GPR39: variants seen among roughly 807,000 people sequenced by gnomAD.
The protein encoded by GPR39 is zinc sensing receptor.
In GPR39, 23 loss-of-function variants were observed where a neutral mutation model predicts 18.4. The ratio of observed to expected loss-of-function variants is 1.25; its 90% CI spans 0.90 to 1.77. GPR39 has a LOEUF of 1.77. Among genes scored for constraint, GPR39 ranks in the 40% most tolerant of loss-of-function variants. The pLI, the probability that GPR39 is intolerant of heterozygous loss-of-function variation, is 0.00. For missense variants in GPR39, 647 were observed against 602.4 expected (o/e 1.07, Z -0.78); for synonymous variants, 280 against 257.9 (o/e 1.09, Z -0.82).
intron 1 of GPR39, among the ~76,000 whole-genome samples, chr2:132,432,404 A>C (rs1016999025): frequency 6.6e-6 from 1 of 152,192 alleles, no homozygotes; most frequent in African/African-American, 2.4e-5. Flanking sequence ...CACATTGGTG[A>C]CTAGGTTTCC....
chr2:132,492,541 CAT>C (rs1205091304), intron 1 of GPR39, among the ~76,000 whole-genome samples: 13 of 131,488 alleles, frequency 9.9e-5, no homozygotes, highest in African/African-American at 3.1e-4. Context: ...ATATATACAC[CAT>C]ATATATACAC....
intron 1 of GPR39, among the ~76,000 whole-genome samples, chr2:132,500,914 C>G (rs1019703022): frequency 6.6e-6 from 1 of 152,006 alleles, no homozygotes; most frequent in Non-Finnish European, 1.5e-5. Flanking sequence ...TCTGTGGTAT[C>G]AGTTGTAATA....
intron 1 of GPR39, among the ~76,000 whole-genome samples, chr2:132,503,011 C>T (rs1679074669): frequency 6.6e-6 from 1 of 152,170 alleles, no homozygotes; most frequent in South Asian, 2.1e-4. Flanking sequence ...TGTACTTCAT[C>T]CTTCTCTGGT....
rs142574606 is a variant in GPR39 at position 132,614,395 on chromosome 2, C to T, written c.857-30706C>T. Among the ~76,000 whole-genome samples the T allele has an allele frequency of 1.0e-3, 152 of 150,970 alleles. 1 individual carries two copies. The highest frequency in any genetic ancestry group is 8.5e-3 in the East Asian group (43 of 5,068). ...CTAATTTTTGTATTTTTAGTAGAGA[C>T]GTGGTTTCACCATGTTGCTCTCTTG... On this transcript the variant is annotated intron_variant, in intron 1 of 1. Transcript: ENST00000329321.
At chr2:132,644,142 T>A (rs190348481) in intron 1 of GPR39, among the ~76,000 whole-genome samples, 2 of 152,362 alleles carry the variant, frequency 1.3e-5, no homozygotes, top group Admixed American at 1.3e-4. Context: ...TACCTGTGAT[T>A]TCAGTTGTTT....
intron 1 of GPR39, among the ~76,000 whole-genome samples, chr2:132,523,137 T>C (rs1453571021): frequency 1.3e-5 from 2 of 152,222 alleles, no homozygotes; most frequent in Non-Finnish European, 2.9e-5. Flanking sequence ...AGAATTCCTG[T>C]GGCCAGGAAT....
chr2:132,432,643 T>A (rs1680243976), intron 1 of GPR39, among the ~76,000 whole-genome samples: 1 of 152,186 alleles, frequency 6.6e-6, no homozygotes, highest in African/African-American at 2.4e-5. Context: ...CCTGGTATTC[T>A]CGGAGGACAT....
chr2:132,546,542 C>T (rs1372894464), intron 1 of GPR39, among the ~76,000 whole-genome samples: 1 of 152,070 alleles, frequency 6.6e-6, no homozygotes, highest in Non-Finnish European at 1.5e-5. Context: ...TGTAAGTTGC[C>T]TAAGAGAAGG....
At chr2:132,508,466 C>G (rs116760742) in intron 1 of GPR39, among the ~76,000 whole-genome samples, 1 of 152,028 alleles carries the variant, frequency 6.6e-6, no homozygotes, top group Non-Finnish European at 1.5e-5. Flanking sequence ...GGCTGCCCTC[C>G]GAGAATTGGA....
At chr2:132,490,299 A>AG (rs1426047043) in intron 1 of GPR39, among the ~76,000 whole-genome samples, 3 of 151,970 alleles carry the variant, frequency 2.0e-5, no homozygotes, top group Non-Finnish European at 2.9e-5. Context: ...GGATATTATG[A>AG]GGGAAAAACC....
intron 1 of GPR39, among the ~76,000 whole-genome samples, chr2:132,592,667 G>C (rs1348974019): frequency 6.6e-6 from 1 of 152,202 alleles, no homozygotes; most frequent in Non-Finnish European, 1.5e-5. Flanking sequence ...AGAAAGAAAG[G>C]AGGGTAATTA....
intron 1 of GPR39, among the ~76,000 whole-genome samples, chr2:132,535,877 T>G (rs976788240): frequency 2.5e-4 from 38 of 152,054 alleles, no homozygotes; most frequent in Admixed American, 9.2e-4. Flanking sequence ...TATTCTCTGC[T>G]GGTAGTTTGT....
In GPR39 at chr2:132,422,635, A is replaced by G. The variant is rs538724213; in HGVS notation, c.856+4737A>G. The stretch of plus-strand genomic sequence containing the variant: ...ATTAAATTAGTGACTTTTTTAGTGT[A>G]AGATATTATTTTGACTCCAATGTTT... On this transcript the variant is annotated intron_variant, in intron 1 of 1. Transcript: ENST00000329321. Among the ~76,000 whole-genome samples, 21 of 152,186 alleles carry G rather than the reference A, an allele frequency of 1.4e-4. No homozygotes were observed. In the South Asian group the frequency reaches 3.8e-3, roughly 27 times the overall value.
chr2:132,634,017 T>G (rs1037984887), intron 1 of GPR39, among the ~76,000 whole-genome samples: 2 of 149,686 alleles, frequency 1.3e-5, no homozygotes, highest in Non-Finnish European at 3.0e-5. Flanking sequence ...GGAAGCAGTG[T>G]TGGTGTTGGT....
chr2:132,641,716 CTT>C (rs1453244573), intron 1 of GPR39, among the ~76,000 whole-genome samples: 10 of 152,188 alleles, frequency 6.6e-5, no homozygotes, highest in Non-Finnish European at 1.5e-4. Flanking sequence ...TCACCCATCT[CTT>C]TTTCTCTTTG....
In GPR39 at chr2:132,645,623, C is replaced by A. The variant is rs1004779751; in HGVS notation, c.*17C>A. ...GAAGTTTGAATGTCAAGCGAGGGAG[C>A]CTTGAGTGGGAACTGGCCCTCCAGC... On this transcript the variant is annotated 3_prime_UTR_variant, in exon 2 of 2. Transcript: ENST00000329321. 3 of 1,599,590 alleles carry A rather than the reference C, an allele frequency of 1.9e-6. No homozygotes were observed. The highest frequency in any genetic ancestry group is 2.7e-5 in the African/African-American group (2 of 74,366).
At chr2:132,638,832 A>G (rs1039438620) in intron 1 of GPR39, among the ~76,000 whole-genome samples, 4 of 152,186 alleles carry the variant, frequency 2.6e-5, no homozygotes, top group African/African-American at 9.7e-5. Flanking sequence ...CATGCAAGTT[A>G]ATTTATTGTC....
chr2:132,613,043 A>G (rs1031608689), intron 1 of GPR39, among the ~76,000 whole-genome samples: 1 of 152,220 alleles, frequency 6.6e-6, no homozygotes, highest in Admixed American at 6.5e-5. Context: ...CTAGATATCC[A>G]TATTTTAAAA....
chr2:132,493,210 A>C (rs1185253426), intron 1 of GPR39, among the ~76,000 whole-genome samples: 1 of 142,426 alleles, frequency 7.0e-6, no homozygotes, highest in Non-Finnish European at 1.5e-5. Flanking sequence ...TATACACCAT[A>C]TATGTACACC....
Sources: gnomAD v4.1 joint callset for allele counts (sites outside exome capture counted in the v4.1 genomes callset) on GRCh38, gnomAD v4.1.1 for gene constraint, MANE v1.5 for transcripts, NCBI Gene and HGNC (gene_info 2026-07-23, HGNC 2026-07-21) for gene names.